The following AGAP1 variants were observed in gnomAD, a reference collection of about 807,000 sequenced individuals.
The protein encoded by AGAP1 is ArfGAP with GTPase domain, ankyrin repeat and PH domain 1, also known as arf-GAP with GTPase, ANK repeat and PH domain-containing protein 1.
Under a neutral mutation model 105.3 loss-of-function variants are expected in AGAP1, and 29 were observed. That is an observed-to-expected ratio of 0.28 (90% CI 0.21 to 0.38). The LOEUF is 0.38. Among genes scored for constraint, AGAP1 ranks in the 10% least tolerant of loss-of-function variants. The pLI, the probability that AGAP1 is intolerant of heterozygous loss-of-function variation, is 1.00. For missense variants in AGAP1, 998 were observed against 1,165.1 expected, an observed-to-expected ratio of 0.86 and a Z score of 2.09; for synonymous variants, 509 against 485.9, an observed-to-expected ratio of 1.05 and a Z score of -0.63.
At chr2:235,598,826 ATTTT>A (rs1486022554) in intron 1 of AGAP1, among the ~76,000 whole-genome samples, 1 of 152,136 alleles carries the variant, frequency 6.6e-6, no homozygotes, top group Admixed American at 6.6e-5. Context: ...CAAAGTCTTT[ATTTT>A]TTAAGATAAT....
chr2:235,848,907 C>T (rs1961831770), intron 9 of AGAP1, among the ~76,000 whole-genome samples: 1 of 152,180 alleles, frequency 6.6e-6, no homozygotes, highest in Admixed American at 6.5e-5. Context: ...CTGCCCATCT[C>T]AGTGTTAAGG....
Position 235,597,697 on chromosome 2 carries a change from G to A in AGAP1, c.163+102848G>A, listed in dbSNP as rs189839366. Reference sequence around the variant, plus strand: ...ATTCCCGCTGGGGCCCTGTCTGTGTGGAGCGTGCACGCGCTCCCGTGTTTC... The same window carrying A: ...ATTCCCGCTGGGGCCCTGTCTGTGTAGAGCGTGCACGCGCTCCCGTGTTTC... On this transcript the variant is annotated intron_variant, in intron 1 of 17. Coordinates refer to ENST00000304032, the MANE Select transcript of AGAP1 (RefSeq NM_001037131.3). Among the ~76,000 whole-genome samples the A allele has an allele frequency of 3.9e-5, 6 of 152,090 alleles. No homozygotes were observed. In the East Asian group the frequency reaches 1.2e-3, roughly 30 times the overall value.
At chr2:235,966,517 G>A (rs1256408215) in intron 12 of AGAP1, among the ~76,000 whole-genome samples, 4 of 152,102 alleles carry the variant, frequency 2.6e-5, no homozygotes, top group African/African-American at 7.2e-5. Flanking sequence ...AAGGATGTGC[G>A]TCCATAGGAA....
chr2:235,654,977 C>T (rs796642219), intron 1 of AGAP1, among the ~76,000 whole-genome samples: 20 of 152,170 alleles, frequency 1.3e-4, no homozygotes, highest in African/African-American at 4.3e-4. Context: ...CCAGCAAACT[C>T]GGAAAGAAAA....
rs1316343331 is a variant in AGAP1, at chr2:235,965,905, G to C, written c.1484-2557G>C. On this transcript the variant is annotated intron_variant, in intron 12 of 17. Transcript: ENST00000304032. The surrounding 1 kb of genome is among the most constrained non-coding windows in gnomAD (Gnocchi z 5.8). The stretch of plus-strand genomic sequence containing the variant: ...ACCTGAGGATGAAAGATGGGACCAG[G>C]ACAAGCTAGGAATGTTCATTTAGCA... 6.6e-6 allele frequency among the ~76,000 whole-genome samples: 1 copy of C among 152,208 alleles called. No individual in the cohort carries two copies. The highest frequency in any genetic ancestry group is 2.4e-5 in the African/African-American group (1 of 41,454).
intron 12 of AGAP1, among the ~76,000 whole-genome samples, chr2:235,937,355 AG>A (rs1045692608): frequency 2.6e-5 from 4 of 152,002 alleles, no homozygotes; most frequent in African/African-American, 9.7e-5. Context: ...AACTGGACAC[AG>A]GGGGTGAAAG....
intron 6 of AGAP1, among the ~76,000 whole-genome samples, chr2:235,781,330 G>A (rs922876397): frequency 6.6e-6 from 1 of 152,146 alleles, no homozygotes; most frequent in African/African-American, 2.4e-5. Flanking sequence ...CATATCCCTT[G>A]GATTCATTCC....
At position 235,701,945 on chromosome 2, in the gene AGAP1, C is replaced by A. The variant is rs149564689; in HGVS notation, c.164-7234C>A. Among the ~76,000 whole-genome samples the A allele has an allele frequency of 5.8e-4, 88 of 152,254 alleles. No homozygotes were observed. The East Asian group carries it at 0.016, about 28-fold the overall frequency. On this transcript the variant is annotated intron_variant, in intron 1 of 17. Transcript: ENST00000304032. This position sits in a 1 kb window ranked among gnomAD's most constrained non-coding sequence, Gnocchi z 4.1. ...CTTTAAACTAAAAATAAATGCTCCT[C>A]CCCTTTTCTGTGCTAAAAATAATAG...
chr2:235,987,632 A>G (rs1363759540), intron 13 of AGAP1, among the ~76,000 whole-genome samples: 2 of 151,610 alleles, frequency 1.3e-5, no homozygotes, highest in Non-Finnish European at 2.9e-5. Flanking sequence ...GCTCTTTCCA[A>G]TGTGGGCATT....
At chr2:235,806,355 A>G (rs144988914) in intron 8 of AGAP1, among the ~76,000 whole-genome samples, 174 of 152,320 alleles carry the variant, frequency 1.1e-3, no homozygotes, top group African/African-American at 3.8e-3. Flanking sequence ...CGAGTCTCCA[A>G]TCTTTCTCTC....
At position 235,623,212 on chromosome 2, in the gene AGAP1, C is replaced by T. The variant is rs935732511; in HGVS notation, c.164-85967C>T. Among the ~76,000 whole-genome samples, 7 of 152,152 alleles carry T rather than the reference C, an allele frequency of 4.6e-5. No individual in the cohort carries two copies. Among genetic ancestry groups the T allele is most frequent in the South Asian group, 2.1e-4 (1 of 4,822 alleles). ...CAGCTGCAGAAACAATGCATCTGAA[C>T]GGATGGACTGTTTTGGAGATTTATG... On this transcript the variant is annotated intron_variant, in intron 1 of 17. Transcript: ENST00000304032. This position sits in a 1 kb window ranked among gnomAD's most constrained non-coding sequence, Gnocchi z 4.5.
chr2:235,609,936 C>T lies in AGAP1; in HGVS notation c.164-99243C>T, dbSNP rs1946072244. Among the ~76,000 whole-genome samples the T allele has an allele frequency of 1.3e-5, 2 of 152,016 alleles. No individual in the cohort carries two copies. Among genetic ancestry groups the T allele is most frequent in the Admixed American group, 1.3e-4 (2 of 15,262 alleles). On this transcript the variant is annotated intron_variant, in intron 1 of 17. Transcript: ENST00000304032. The surrounding 1 kb of genome is among the most constrained non-coding windows in gnomAD (Gnocchi z 5.1). Reference sequence around the variant, plus strand: ...TGGGCTGGGTGCAGGGAGTGAGTGGCCAACCACCTGAGAATACCTGGTGTT... The same window carrying T: ...TGGGCTGGGTGCAGGGAGTGAGTGGTCAACCACCTGAGAATACCTGGTGTT...
intron 1 of AGAP1, among the ~76,000 whole-genome samples, chr2:235,688,372 T>C (rs988363198): frequency 4.6e-5 from 7 of 152,166 alleles, no homozygotes; most frequent in Admixed American, 2.6e-4. Flanking sequence ...CTCTCCACTT[T>C]TGCTTTCCCA....
At chr2:235,632,265 G>T (rs548605492) in intron 1 of AGAP1, among the ~76,000 whole-genome samples, 1 of 152,146 alleles carries the variant, frequency 6.6e-6, no homozygotes, top group South Asian at 2.1e-4. Context: ...AGCAGTGTTC[G>T]CATGAACTGC....
At chr2:236,112,181 C>T (rs924432696) in intron 16 of AGAP1, among the ~76,000 whole-genome samples, 4 of 151,954 alleles carry the variant, frequency 2.6e-5, no homozygotes, top group Admixed American at 6.6e-5. Context: ...TTTGGGAGGC[C>T]GAGGAGGACA....
chr2:236,120,055 G>T lies in AGAP1; in HGVS notation c.2115-137G>T. ...GGTGGATAAACGTTTCCCCCAGGGG[G>T]CTTTGTGCCGAGTGAAGACCTTTGC... On this transcript the variant is annotated intron_variant, in intron 16 of 17. Coordinates refer to ENST00000304032, the MANE Select transcript of AGAP1 (RefSeq NM_001037131.3). The surrounding 1 kb of genome is among the most constrained non-coding windows in gnomAD (Gnocchi z 6.0). 4.0e-6 allele frequency: 5 copies of T among 1,239,924 alleles called. No individual in the cohort carries two copies. The highest frequency in any genetic ancestry group is 5.6e-6 in the Non-Finnish European group (5 of 894,952). 76.8% of individuals were successfully genotyped at this position (1,239,924 alleles called of 1,614,324 possible).
intron 13 of AGAP1, among the ~76,000 whole-genome samples, chr2:236,015,384 G>C (rs2056661001): frequency 1.2e-5 from 1 of 82,742 alleles, no homozygotes; most frequent in South Asian, 6.3e-4. Flanking sequence ...TGCATGGGCT[G>C]CTATTTGCTT....
In AGAP1 at chr2:235,751,927, G is replaced by A. The variant is rs1271669593; in HGVS notation, c.673+1439G>A. Among the ~76,000 whole-genome samples, 1 of 152,192 alleles carries A rather than the reference G, an allele frequency of 6.6e-6. No individual in the cohort carries two copies. Among genetic ancestry groups the A allele is most frequent in the Non-Finnish European group, 1.5e-5 (1 of 68,046 alleles). ...ATCTCGGGCACCTCCTGCTGCCTCT[G>A]TCGGGAGAATGTCCTGTGGGGAGTA... On this transcript the variant is annotated intron_variant, in intron 6 of 17. Coordinates refer to ENST00000304032, the MANE Select transcript of AGAP1 (RefSeq NM_001037131.3). The surrounding 1 kb of genome is among the most constrained non-coding windows in gnomAD (Gnocchi z 5.3).
intron 13 of AGAP1, among the ~76,000 whole-genome samples, chr2:235,991,753 C>G (rs1000458121): frequency 6.6e-6 from 1 of 152,110 alleles, no homozygotes; most frequent in African/African-American, 2.4e-5. Flanking sequence ...TTCTGCAGTT[C>G]CCAAATCTAA....
Sources: gnomAD v4.1 joint callset for allele counts (sites outside exome capture counted in the v4.1 genomes callset) on GRCh38, gnomAD v4.1.1 for gene constraint, Gnocchi (gnomAD v3.1) non-coding constraint, MANE v1.5 for transcripts, NCBI Gene and HGNC (gene_info 2026-07-23, HGNC 2026-07-21) for gene names.